The following TNR variants were observed in gnomAD, a reference collection of about 807,000 sequenced individuals.
TNR encodes the protein tenascin-R.
Under a neutral mutation model 150.4 loss-of-function variants are expected in TNR, and 45 were observed. The observed-to-expected ratio is 0.30, with a 90% CI of 0.24 to 0.38. TNR has a LOEUF of 0.38. Among genes scored for constraint, TNR ranks in the 10% least tolerant of loss-of-function variants. The probability of loss-of-function intolerance (pLI) is 1.00; values close to 1 mark genes in which losing one functional copy is unlikely to be tolerated. For synonymous variants in TNR, 687 were observed against 678.4 expected, an observed-to-expected ratio of 1.01 and a Z score of -0.20; for missense variants, 1,544 against 1,759.1, an observed-to-expected ratio of 0.88 and a Z score of 2.19.
rs530573025 is a variant in TNR at position 175,483,795 on chromosome 1, C to T, written c.-64+44474G>A. On this transcript the variant is annotated intron_variant, in intron 2 of 22. Transcript: ENST00000367674. ...TTGAGTTGCAGTCCAGGCTCTGTGG[C>T]TGAGCATCTCTGAGGCTAGAGGGCT... is the stretch of plus-strand genomic sequence containing the variant. Among the ~76,000 whole-genome samples, 11 of 152,296 alleles carry T rather than the reference C, an allele frequency of 7.2e-5. No individual in the cohort carries two copies. In the East Asian group the frequency reaches 2.1e-3, roughly 29 times the overall value.
intron 1 of TNR, among the ~76,000 whole-genome samples, chr1:175,574,752 C>T (rs997488637): frequency 6.6e-6 from 1 of 152,218 alleles, no homozygotes; most frequent in Non-Finnish European, 1.5e-5. Flanking sequence ...TGTGTAAGGA[C>T]TGCAAAGCAG....
At chr1:175,615,174 G>A (rs1420196978) in intron 1 of TNR, among the ~76,000 whole-genome samples, 1 of 152,228 alleles carries the variant, frequency 6.6e-6, no homozygotes, top group East Asian at 1.9e-4. Context: ...TTTGGATGTG[G>A]CTGGTGTGGT....
In TNR at chr1:175,673,248, C is replaced by A. The variant is rs188925440; in HGVS notation, c.-165+69978G>T. Among the ~76,000 whole-genome samples, 299 of 152,308 alleles carry A rather than the reference C, an allele frequency of 2.0e-3. 2 individuals are homozygous for A. The highest frequency in any genetic ancestry group is 6.9e-3 in the African/African-American group (288 of 41,572). On this transcript the variant is annotated intron_variant, in intron 1 of 22. Coordinates refer to ENST00000367674, the MANE Select transcript of TNR (RefSeq NM_003285.3). ...GAGCCTGCACTGACCCAGGAGGAAG[C>A]ACTCAATGGATGATTAGAGAATGGA...
chr1:175,442,319 T>A (rs1226183387), intron 2 of TNR, among the ~76,000 whole-genome samples: 1 of 152,108 alleles, frequency 6.6e-6, no homozygotes, highest in Non-Finnish European at 1.5e-5. Flanking sequence ...CCCCCATCAG[T>A]TTGGCTCTGG....
intron 10 of TNR, among the ~76,000 whole-genome samples, chr1:175,366,341 G>A (rs1651841681): frequency 6.6e-6 from 1 of 152,216 alleles, no homozygotes; most frequent in African/African-American, 2.4e-5. Flanking sequence ...TGAACAATCT[G>A]AAGAAAGCCG....
chr1:175,471,838 ACT>A (rs1657307365), intron 2 of TNR, among the ~76,000 whole-genome samples: 1 of 151,990 alleles, frequency 6.6e-6, no homozygotes, highest in African/African-American at 2.4e-5. Flanking sequence ...AAACGTTTTG[ACT>A]CTTTTGCAAT....
chr1:175,352,127 G>A (rs900056807), intron 18 of TNR, among the ~76,000 whole-genome samples: 1 of 152,154 alleles, frequency 6.6e-6, no homozygotes, highest in Non-Finnish European at 1.5e-5. Context: ...TACACTGCTT[G>A]GCGCAGCTGC....
intron 4 of TNR, among the ~76,000 whole-genome samples, chr1:175,399,190 C>T (rs557745543): frequency 4.1e-4 from 62 of 152,326 alleles, no homozygotes; most frequent in South Asian, 1.5e-3. Flanking sequence ...TTCTCTAGTG[C>T]CTGTCTCCTG....
chr1:175,676,940 GCATTGTTCC>G (rs1251796760), intron 1 of TNR, among the ~76,000 whole-genome samples: 1 of 152,208 alleles, frequency 6.6e-6, no homozygotes, highest in Non-Finnish European at 1.5e-5. Flanking sequence ...GAGGAGGCAA[GCATTGTTCC>G]CATTTTCCAG....
At chr1:175,367,115 G>A (rs1472738745) in intron 10 of TNR, 93 bp downstream of exon 10, 4 of 1,108,854 alleles carry the variant, frequency 3.6e-6, no homozygotes, top group Non-Finnish European at 4.1e-6. Context: ...GGAAGACATT[G>A]CTTTCTGATT....
chr1:175,434,104 G>T (rs1281826011), intron 2 of TNR, among the ~76,000 whole-genome samples: 1 of 152,182 alleles, frequency 6.6e-6, no homozygotes, highest in Non-Finnish European at 1.5e-5. Context: ...AGCATGCAAA[G>T]CTCTGGATGC....
intron 2 of TNR, among the ~76,000 whole-genome samples, chr1:175,412,655 C>T (rs1654261623): frequency 1.3e-5 from 2 of 152,082 alleles, no homozygotes; most frequent in Non-Finnish European, 2.9e-5. Context: ...GTGTCCCGCA[C>T]TCCAGCTCCA....
Position 175,426,819 on chromosome 1 carries a change from A to AAT in TNR, c.-63-20044_-63-20043dup, listed in dbSNP as rs1193664587. On this transcript the variant is annotated intron_variant, in intron 2 of 22. Transcript: ENST00000367674. ...ATATATATAATATATATAAAATATA[A>AAT]ATATATATAAAATATATTATATATA... 3.4e-5 allele frequency among the ~76,000 whole-genome samples: 4 copies of AAT among 119,302 alleles called. No homozygotes were observed. In the Admixed American group the frequency reaches 3.6e-4, roughly 11 times the overall value. 78.3% of individuals were successfully genotyped at this position (119,302 alleles called of 152,430 possible). A position where few individuals can be genotyped will look rare whatever the true frequency, so the allele number is the denominator to read the frequency against.
intron 1 of TNR, among the ~76,000 whole-genome samples, chr1:175,709,684 A>G (rs745527490): frequency 3.3e-5 from 5 of 152,196 alleles, no homozygotes; most frequent in Admixed American, 1.3e-4. Flanking sequence ...GCTCCTAGAC[A>G]TCGTGTTGTG....
intron 2 of TNR, among the ~76,000 whole-genome samples, chr1:175,408,996 A>T (rs1030118464): frequency 6.6e-6 from 1 of 152,208 alleles, no homozygotes; most frequent in African/African-American, 2.4e-5. Flanking sequence ...AACCTTGGGG[A>T]TAGGTAGAGT....
At chr1:175,663,521 T>C (rs901500981) in intron 1 of TNR, among the ~76,000 whole-genome samples, 2 of 152,098 alleles carry the variant, frequency 1.3e-5, no homozygotes, top group Non-Finnish European at 2.9e-5. Flanking sequence ...CACACAAGGA[T>C]TTTTGTTGAC....
In TNR at chr1:175,320,569, T is replaced by A. The variant is rs1342346699; in HGVS notation, c.*2788A>T. On this transcript the variant is annotated 3_prime_UTR_variant, in exon 23 of 23. Transcript: ENST00000367674. ...GACTTTCACCTGAATTGACAACACATAATCTTTTTCCATTTCAACTTCCTT... is the reference window on the plus strand; with the variant it reads ...GACTTTCACCTGAATTGACAACACAAAATCTTTTTCCATTTCAACTTCCTT... 1 of 152,186 alleles carries A rather than the reference T, an allele frequency of 6.6e-6. No homozygotes were observed. The highest frequency in any genetic ancestry group is 2.4e-5 in the African/African-American group (1 of 41,444). 9.4% of individuals were successfully genotyped at this position (152,186 alleles called of 1,614,324 possible).
intron 1 of TNR, among the ~76,000 whole-genome samples, chr1:175,736,014 C>G (rs1324400470): frequency 6.6e-6 from 1 of 152,182 alleles, no homozygotes; most frequent in African/African-American, 2.4e-5. Flanking sequence ...AAGGGCCAAC[C>G]CAACCCATTA....
intron 1 of TNR, among the ~76,000 whole-genome samples, chr1:175,658,371 A>C (rs766938272): frequency 6.6e-5 from 10 of 152,226 alleles, no homozygotes; most frequent in Non-Finnish European, 1.5e-4. Context: ...GTGGGAGGTT[A>C]GGAGCTCACA....
Sources: gnomAD v4.1 joint callset for allele counts (sites outside exome capture counted in the v4.1 genomes callset) on GRCh38, gnomAD v4.1.1 for gene constraint, MANE v1.5 for transcripts, NCBI Gene and HGNC (gene_info 2026-07-23, HGNC 2026-07-21) for gene names.